The following CAMTA1 variants were observed in gnomAD, a reference collection of about 807,000 sequenced individuals.
CAMTA1 encodes the protein calmodulin-binding transcription activator 1.
Under a neutral mutation model 170.9 loss-of-function variants are expected in CAMTA1, and 27 were observed. That is an observed-to-expected ratio of 0.16 (90% CI 0.12 to 0.22). The LOEUF is 0.22. Among genes scored for constraint, CAMTA1 ranks in the 10% least tolerant of loss-of-function variants. The pLI is 1.00. For synonymous variants in CAMTA1, 833 were observed against 891.5 expected, an observed-to-expected ratio of 0.93 and a Z score of 1.17; for missense variants, 1,619 against 2,217.2, an observed-to-expected ratio of 0.73 and a Z score of 5.42.
At chr1:7,188,807 T>C (rs540492949) in intron 4 of CAMTA1, among the ~76,000 whole-genome samples, 1 of 152,320 alleles carries the variant, frequency 6.6e-6, no homozygotes, top group Admixed American at 6.5e-5. Context: ...CTGATTTAAT[T>C]TCTTTGGGGT....
chr1:7,298,885 C>T (rs1044676644), intron 5 of CAMTA1, among the ~76,000 whole-genome samples: 1 of 152,130 alleles, frequency 6.6e-6, no homozygotes, highest in Admixed American at 6.5e-5. Flanking sequence ...CAGTCCCGAG[C>T]AGCCAACATT....
intron 3 of CAMTA1, among the ~76,000 whole-genome samples, chr1:7,086,845 T>C (rs1640812194): frequency 6.6e-6 from 1 of 152,258 alleles, no homozygotes; most frequent in East Asian, 1.9e-4. Context: ...GGTCCACCTC[T>C]TGGCTACTGT....
At chr1:6,787,086 C>T (rs910837843) in intron 1 of CAMTA1, among the ~76,000 whole-genome samples, 2 of 152,222 alleles carry the variant, frequency 1.3e-5, no homozygotes, top group African/African-American at 2.4e-5. Flanking sequence ...ATAAACTTCC[C>T]GATTGTTTTT....
intron 6 of CAMTA1, among the ~76,000 whole-genome samples, chr1:7,632,638 T>G (rs1032522493): frequency 6.6e-6 from 1 of 152,208 alleles, no homozygotes; most frequent in Non-Finnish European, 1.5e-5. Flanking sequence ...GCTCCAGGCC[T>G]CCTCCTCCTC....
intron 3 of CAMTA1, among the ~76,000 whole-genome samples, chr1:7,075,142 G>A (rs552686812): frequency 2.0e-5 from 3 of 152,156 alleles, no homozygotes; most frequent in African/African-American, 7.2e-5. Flanking sequence ...CTCTCCTACC[G>A]CTGATTCTTG....
chr1:7,227,317 C>T (rs1661884964), intron 4 of CAMTA1, among the ~76,000 whole-genome samples: 1 of 152,082 alleles, frequency 6.6e-6, no homozygotes, highest in African/African-American at 2.4e-5. Context: ...GAACTTATCC[C>T]TTTGTTTTAT....
At chr1:7,505,327 A>G (rs2094085740) in intron 6 of CAMTA1, among the ~76,000 whole-genome samples, 6 of 152,150 alleles carry the variant, frequency 3.9e-5, no homozygotes, top group Admixed American at 3.9e-4. Context: ...GGCTGCTGCA[A>G]GCACTGCGGT....
At chr1:6,941,032 C>G (rs1370736100) in intron 3 of CAMTA1, among the ~76,000 whole-genome samples, 3 of 146,634 alleles carry the variant, frequency 2.0e-5, no homozygotes, top group Non-Finnish European at 4.5e-5. Context: ...TAGGAGGGAC[C>G]CTCACAGGTA....
At chr1:7,236,948 A>T (rs949865713) in intron 4 of CAMTA1, among the ~76,000 whole-genome samples, 1 of 152,040 alleles carries the variant, frequency 6.6e-6, no homozygotes, top group African/African-American at 2.4e-5. Context: ...AATAGTGTCC[A>T]CTCTTCTAGG....
At position 7,547,832 on chromosome 1, in the gene CAMTA1, C is replaced by CT. The variant is rs548560646; in HGVS notation, c.510+79931_510+79932insT. 7.1e-4 allele frequency among the ~76,000 whole-genome samples: 108 copies of CT among 152,170 alleles called. 1 individual carries two copies. In the East Asian group the frequency reaches 0.017, roughly 24 times the overall value. ...ACATCTCTGCCACCCCATGTGGGCC[C>CT]CCTCCAAACCCAGACTCTGACACCC... On this transcript the variant is annotated intron_variant, in intron 6 of 22. Transcript: ENST00000303635. The surrounding 1 kb of genome is among the most constrained non-coding windows in gnomAD (Gnocchi z 5.7).
At chr1:7,085,197 G>A (rs1298321389) in intron 3 of CAMTA1, among the ~76,000 whole-genome samples, 1 of 152,142 alleles carries the variant, frequency 6.6e-6, no homozygotes. Flanking sequence ...ATTGGACAGT[G>A]CAACTCTGGC....
intron 4 of CAMTA1, among the ~76,000 whole-genome samples, chr1:7,136,422 A>C (rs1645549009): frequency 6.6e-6 from 1 of 151,784 alleles, no homozygotes. Context: ...CTCTGCAATT[A>C]TTCCCTCTCC....
At chr1:7,490,976 T>C (rs2093694895) in intron 6 of CAMTA1, among the ~76,000 whole-genome samples, 1 of 152,210 alleles carries the variant, frequency 6.6e-6, no homozygotes, top group African/African-American at 2.4e-5. Context: ...CCACTCCAGC[T>C]CCGATCCATT....
intron 3 of CAMTA1, among the ~76,000 whole-genome samples, chr1:6,913,209 G>C (rs1262978877): frequency 6.6e-6 from 1 of 152,222 alleles, no homozygotes; most frequent in East Asian, 1.9e-4. Flanking sequence ...TCCATGCCCT[G>C]TCTTTGCTCT....
Position 7,097,435 on chromosome 1 carries a change from G to A in CAMTA1, c.302+6064G>A, listed in dbSNP as rs114801057. Among the ~76,000 whole-genome samples, 1,298 of 152,316 alleles carry A rather than the reference G, an allele frequency of 8.5e-3. 19 individuals are homozygous for A. Among genetic ancestry groups the A allele is most frequent in the African/African-American group, 0.029 (1,217 of 41,564 alleles). On this transcript the variant is annotated intron_variant, in intron 4 of 22. Transcript: ENST00000303635. ...GGGTCCCGGCATGGTGCCAGCCTAT[G>A]AGCTGAGGCCTCTGCCTAGAAAGTC...
chr1:7,671,225 T>C (rs934796417), intron 10 of CAMTA1, among the ~76,000 whole-genome samples, 188 bp downstream of exon 10: 3 of 152,140 alleles, frequency 2.0e-5, no homozygotes, highest in Non-Finnish European at 4.4e-5. Context: ...AGGGACCTAA[T>C]ATAGGACAGG....
intron 6 of CAMTA1, among the ~76,000 whole-genome samples, chr1:7,480,322 T>TGA (rs1391269225): frequency 9.3e-5 from 14 of 150,230 alleles, no homozygotes; most frequent in Admixed American, 2.0e-4. Context: ...TAAGTGTGTG[T>TGA]GTGTATGAGT....
intron 6 of CAMTA1, among the ~76,000 whole-genome samples, chr1:7,601,013 G>A (rs1473136191): frequency 6.6e-6 from 1 of 152,206 alleles, no homozygotes; most frequent in African/African-American, 2.4e-5. Flanking sequence ...CTCCCAGATG[G>A]GGTGGTGGCT....
Position 7,719,427 on chromosome 1 carries a change from C to A in CAMTA1, c.2915-13021C>A, listed in dbSNP as rs139265220. ...CAGTATCCTGAATGATTTTTCTGAA[C>A]AAGTCCAAGACTGAATATGGGGATA... On this transcript the variant is annotated intron_variant, in intron 11 of 22. Transcript: ENST00000303635. Among the ~76,000 whole-genome samples the A allele has an allele frequency of 2.1e-3, 322 of 152,250 alleles. 3 individuals carry two copies. The highest frequency in any genetic ancestry group is 7.2e-3 in the African/African-American group (301 of 41,526).
Sources: gnomAD v4.1 joint callset for allele counts (sites outside exome capture counted in the v4.1 genomes callset) on GRCh38, gnomAD v4.1.1 for gene constraint, Gnocchi (gnomAD v3.1) non-coding constraint, MANE v1.5 for transcripts, NCBI Gene and HGNC (gene_info 2026-07-23, HGNC 2026-07-21) for gene names.